The following LRRTM4 variants were observed in gnomAD, a reference collection of about 807,000 sequenced individuals.
LRRTM4 encodes leucine-rich repeat transmembrane neuronal protein 4.
LRRTM4 carries 25 observed loss-of-function variants against 47.6 expected under a neutral mutation model. The ratio of observed to expected loss-of-function variants is 0.53; its 90% CI spans 0.38 to 0.73. LRRTM4 has a LOEUF of 0.73. Among genes scored for constraint, LRRTM4 ranks in the 30% least tolerant of loss-of-function variants. The pLI, the probability that LRRTM4 is intolerant of heterozygous loss-of-function variation, is 0.00. For missense variants in LRRTM4, 638 were observed against 713.4 expected (o/e 0.89, Z 1.20); for synonymous variants, 311 against 269.5 (o/e 1.15, Z -1.51).
intron 3 of LRRTM4, among the ~76,000 whole-genome samples, chr2:77,134,469 T>C (rs937715544): frequency 3.3e-5 from 5 of 152,178 alleles, no homozygotes; most frequent in Non-Finnish European, 7.4e-5. Context: ...ATTCTGGAGA[T>C]AATTATTTTA....
chr2:76,871,361 T>C (rs1420423895), intron 3 of LRRTM4, among the ~76,000 whole-genome samples: 3 of 152,182 alleles, frequency 2.0e-5, no homozygotes, highest in South Asian at 2.1e-4. Flanking sequence ...TTGACCATCA[T>C]TGCCTAGTAG....
chr2:77,051,477 G>A (rs1343609004), intron 3 of LRRTM4, among the ~76,000 whole-genome samples: 1 of 152,128 alleles, frequency 6.6e-6, no homozygotes, highest in African/African-American at 2.4e-5. Context: ...TTGACTTTCA[G>A]AAGAAAGCTT....
chr2:76,981,200 C>A (rs958204605), intron 3 of LRRTM4, among the ~76,000 whole-genome samples: 1 of 152,060 alleles, frequency 6.6e-6, no homozygotes, highest in Non-Finnish European at 1.5e-5. Context: ...TTAGCCAACA[C>A]TGGTTATATG....
At chr2:77,507,759 A>G (rs1678832543) in intron 3 of LRRTM4, among the ~76,000 whole-genome samples, 1 of 152,108 alleles carries the variant, frequency 6.6e-6, no homozygotes, top group Admixed American at 6.6e-5. Context: ...GGAAACAGCT[A>G]CTATCAAATT....
intron 3 of LRRTM4, among the ~76,000 whole-genome samples, chr2:77,513,084 C>G (rs1447087961): frequency 3.3e-5 from 5 of 152,100 alleles, no homozygotes; most frequent in African/African-American, 1.2e-4. Flanking sequence ...GTTTTAAGTG[C>G]TTTCAAAATA....
chr2:76,776,012 GT>G (rs36193930), intron 3 of LRRTM4, among the ~76,000 whole-genome samples: 3 of 151,730 alleles, frequency 2.0e-5, no homozygotes, highest in Non-Finnish European at 4.4e-5. Context: ...GCGGTGTTTG[GT>G]TTTTTGTTCT....
At chr2:76,821,291 GA>G (rs959542782) in intron 3 of LRRTM4, among the ~76,000 whole-genome samples, 1 of 151,518 alleles carries the variant, frequency 6.6e-6, no homozygotes, top group Non-Finnish European at 1.5e-5. Context: ...AACAACTTGA[GA>G]AAAAAATCAT....
chr2:76,770,047 T>TG (rs1437770692), intron 3 of LRRTM4, among the ~76,000 whole-genome samples: 2 of 152,292 alleles, frequency 1.3e-5, no homozygotes, highest in African/African-American at 2.4e-5. Flanking sequence ...TGCATACTGT[T>TG]GCTTTTAGAG....
At chr2:77,103,035 A>G (rs2103915085) in intron 3 of LRRTM4, among the ~76,000 whole-genome samples, 1 of 152,306 alleles carries the variant, frequency 6.6e-6, no homozygotes, top group South Asian at 2.1e-4. Flanking sequence ...AAGGGCAAAT[A>G]TGACCCCATT....
chr2:77,025,021 A>G (rs779270341), intron 3 of LRRTM4, among the ~76,000 whole-genome samples: 11 of 152,202 alleles, frequency 7.2e-5, no homozygotes, highest in Admixed American at 5.2e-4. Flanking sequence ...AAAACTTTCA[A>G]CAAGTCAAAG....
intron 3 of LRRTM4, among the ~76,000 whole-genome samples, chr2:76,807,445 C>T (rs372745798): frequency 0.041 from 2,819 of 69,078 alleles, 76 homozygotes; most frequent in African/African-American, 0.078. Flanking sequence ...TACGTATATA[C>T]ATATATATAT....
At chr2:76,781,702 A>G (rs1348450563) in intron 3 of LRRTM4, among the ~76,000 whole-genome samples, 1 of 152,190 alleles carries the variant, frequency 6.6e-6, no homozygotes, top group Non-Finnish European at 1.5e-5. Flanking sequence ...AAATGCAGAA[A>G]TCACCCGTCC....
intron 3 of LRRTM4, among the ~76,000 whole-genome samples, chr2:77,270,653 A>G (rs1260706725): frequency 6.6e-6 from 1 of 152,122 alleles, no homozygotes; most frequent in Non-Finnish European, 1.5e-5. Flanking sequence ...ACCCTCTCTT[A>G]TGATAGTGAC....
intron 3 of LRRTM4, among the ~76,000 whole-genome samples, chr2:77,415,301 T>C (rs1674595949): frequency 6.6e-6 from 1 of 152,188 alleles, no homozygotes; most frequent in Non-Finnish European, 1.5e-5. Context: ...TTCTTCATGC[T>C]AATAATTATT....
At chr2:77,085,062 G>A (rs546632585) in intron 3 of LRRTM4, among the ~76,000 whole-genome samples, 11 of 151,952 alleles carry the variant, frequency 7.2e-5, no homozygotes, top group African/African-American at 2.7e-4. Context: ...GATTTTAGTA[G>A]GATAATTTTA....
intron 3 of LRRTM4, among the ~76,000 whole-genome samples, chr2:76,875,410 T>A (rs541355503): frequency 2.0e-5 from 3 of 152,254 alleles, no homozygotes; most frequent in African/African-American, 7.2e-5. Flanking sequence ...ACAGACTGAT[T>A]TTTTAGCCCT....
intron 3 of LRRTM4, among the ~76,000 whole-genome samples, chr2:77,014,168 C>T (rs929187107): frequency 6.6e-6 from 1 of 151,762 alleles, no homozygotes; most frequent in Non-Finnish European, 1.5e-5. Context: ...GTAGAGAGGG[C>T]GGATCAAGAG....
chr2:77,193,021 G>A (rs1020259061), intron 3 of LRRTM4, among the ~76,000 whole-genome samples: 2 of 152,078 alleles, frequency 1.3e-5, no homozygotes, highest in Admixed American at 6.6e-5. Context: ...TCTAATGGTG[G>A]TCCCGTAAGA....
chr2:77,515,540 G>T (rs1679173923), intron 3 of LRRTM4, among the ~76,000 whole-genome samples: 1 of 151,578 alleles, frequency 6.6e-6, no homozygotes, highest in Non-Finnish European at 1.5e-5. Flanking sequence ...ATTAGCATTT[G>T]GTGCTAAGTT....
Sources: allele counts gnomAD v4.1 joint callset (sites outside exome capture counted in the v4.1 genomes callset), GRCh38; gene constraint gnomAD v4.1.1; transcripts MANE v1.5; gene names NCBI Gene and HGNC (gene_info 2026-07-23, HGNC 2026-07-21).